Variants in FARS2 observed in about 807,000 individuals in gnomAD.
The protein encoded by FARS2 is phenylalanine--tRNA ligase, mitochondrial.
A neutral mutation model predicts 46.4 loss-of-function variants in FARS2; 40 were observed. The observed-to-expected ratio is 0.86, with a 90% CI of 0.67 to 1.12. The LOEUF (loss-of-function observed/expected upper bound fraction) is 1.12. Among genes scored for constraint, FARS2 ranks in the 50% most tolerant of loss-of-function variants. The pLI is 0.00. For synonymous variants in FARS2, 234 were observed against 214.9 expected (o/e 1.09, Z -0.78); for missense variants, 513 against 567.9 (o/e 0.90, Z 0.98).
chr6:5,542,582 A>C (rs1770702188), intron 4 of FARS2, among the ~76,000 whole-genome samples: 1 of 152,200 alleles, frequency 6.6e-6, no homozygotes, highest in South Asian at 2.1e-4. Context: ...ACTAGATGTC[A>C]GGATGCTCCC....
At chr6:5,690,005 A>T (rs950787925) in intron 6 of FARS2, among the ~76,000 whole-genome samples, 2 of 152,170 alleles carry the variant, frequency 1.3e-5, no homozygotes, top group African/African-American at 4.8e-5. Flanking sequence ...GTTTTATCCA[A>T]GACTAGGATT....
intron 3 of FARS2, among the ~76,000 whole-genome samples, chr6:5,414,544 A>G (rs546350398): frequency 9.2e-5 from 14 of 152,298 alleles, no homozygotes; most frequent in Admixed American, 9.2e-4. Flanking sequence ...TTCACTCAGC[A>G]TAATTATTTT....
At chr6:5,518,117 C>T (rs1412081402) in intron 4 of FARS2, among the ~76,000 whole-genome samples, 1 of 152,166 alleles carries the variant, frequency 6.6e-6, no homozygotes, top group African/African-American at 2.4e-5. Flanking sequence ...GGTGATGGTG[C>T]ACCAGGCTCC....
At chr6:5,296,203 G>A (rs1463350132) in intron 1 of FARS2, among the ~76,000 whole-genome samples, 1 of 140,990 alleles carries the variant, frequency 7.1e-6, no homozygotes, top group African/African-American at 2.7e-5. Flanking sequence ...GTGCAGTGGT[G>A]GGATCTCAGC....
chr6:5,606,342 T>TTAAGTGGG (rs1774835628), intron 5 of FARS2, among the ~76,000 whole-genome samples: 2 of 151,860 alleles, frequency 1.3e-5, no homozygotes, highest in South Asian at 4.3e-4. Context: ...AGCAGACTCG[T>TTAAGTGGG]CACCATTGCT....
At chr6:5,466,501 A>C (rs762819305) in intron 4 of FARS2, 46 of 980,640 alleles carry the variant, frequency 4.7e-5, no homozygotes, top group African/African-American at 5.2e-5. Context: ...TAGTGGAAGA[A>C]GATAAGGAAA....
chr6:5,666,410 G>A (rs1467103828), intron 6 of FARS2, among the ~76,000 whole-genome samples: 1 of 152,158 alleles, frequency 6.6e-6, no homozygotes, highest in Non-Finnish European at 1.5e-5. Context: ...CCACTGCCAG[G>A]AGTTCAAGTC....
chr6:5,526,861 C>A (rs6909032), intron 4 of FARS2, among the ~76,000 whole-genome samples: 16,686 of 152,194 alleles, frequency 0.11, 987 homozygotes, highest in Middle Eastern at 0.17. Flanking sequence ...AGATGATCCG[C>A]CCGCCTCAGC....
chr6:5,448,848 G>C (rs1411102877), intron 4 of FARS2, among the ~76,000 whole-genome samples: 1 of 152,200 alleles, frequency 6.6e-6, no homozygotes, highest in Non-Finnish European at 1.5e-5. Flanking sequence ...CAAAATGGAG[G>C]ATGGTGCTAA....
chr6:5,261,455 A>AG (rs1358604110), upstream of FARS2: 2 of 152,620 alleles, frequency 1.3e-5, no homozygotes, highest in African/African-American at 4.8e-5. Flanking sequence ...GTGATGAGCT[A>AG]GGGGTTCTGT....
chr6:5,275,891 C>T (rs1014989717), intron 1 of FARS2, among the ~76,000 whole-genome samples: 1 of 152,026 alleles, frequency 6.6e-6, no homozygotes, highest in Non-Finnish European at 1.5e-5. Context: ...ATATATTCTC[C>T]CAGAATTTTA....
chr6:5,319,062 G>GT (rs1394314460), intron 1 of FARS2, among the ~76,000 whole-genome samples: 1 of 152,130 alleles, frequency 6.6e-6, no homozygotes, highest in Non-Finnish European at 1.5e-5. Flanking sequence ...GTTAGGAGGG[G>GT]TTGTGAGAGT....
intron 1 of FARS2, among the ~76,000 whole-genome samples, chr6:5,333,269 T>G (rs551699320): frequency 1.3e-5 from 2 of 152,346 alleles, no homozygotes; most frequent in Non-Finnish European, 2.9e-5. Context: ...GCCCTCTAGC[T>G]TCATACCTAT....
intron 3 of FARS2, among the ~76,000 whole-genome samples, chr6:5,423,279 G>A (rs903772593): frequency 2.6e-5 from 4 of 152,062 alleles, no homozygotes; most frequent in South Asian, 2.1e-4. Context: ...TAGAGAGCAC[G>A]GGAGTGATCA....
chr6:5,301,802 T>TACACACACACACAC (rs143654686), intron 1 of FARS2, among the ~76,000 whole-genome samples: 7 of 132,430 alleles, frequency 5.3e-5, no homozygotes, highest in East Asian at 4.4e-4. Flanking sequence ...CACACACACA[T>TACACACACACACAC]ACACACACAC....
intron 1 of FARS2, among the ~76,000 whole-genome samples, chr6:5,356,847 T>G (rs1015616695): frequency 3.9e-5 from 6 of 152,242 alleles, no homozygotes; most frequent in Non-Finnish European, 8.8e-5. Flanking sequence ...TATGTATTAT[T>G]TCTTATATGC....
chr6:5,638,771 G>C (rs759950700), intron 6 of FARS2, among the ~76,000 whole-genome samples: 11 of 152,160 alleles, frequency 7.2e-5, no homozygotes, highest in Non-Finnish European at 1.3e-4. Context: ...ACTGTCTGTG[G>C]CATGTTCAGT....
intron 4 of FARS2, among the ~76,000 whole-genome samples, chr6:5,489,010 A>G (rs560730417): frequency 6.6e-6 from 1 of 152,318 alleles, no homozygotes. Flanking sequence ...TGGAGCTTAC[A>G]GTATGGTGGG....
chr6:5,767,150 G>C (rs1176874113), intron 6 of FARS2, among the ~76,000 whole-genome samples: 1 of 151,982 alleles, frequency 6.6e-6, no homozygotes, highest in African/African-American at 2.4e-5. Flanking sequence ...CCACCTCCCA[G>C]ATTCAAGCCA....
Sources: gnomAD v4.1 joint callset for allele counts (sites outside exome capture counted in the v4.1 genomes callset) on GRCh38, gnomAD v4.1.1 for gene constraint, MANE v1.5 for transcripts, NCBI Gene and HGNC (gene_info 2026-07-23, HGNC 2026-07-21) for gene names.